The following SPACA6 variants were observed in gnomAD, a reference collection of about 807,000 sequenced individuals.
SPACA6 encodes the protein sperm acrosome associated 6.
For missense variants in SPACA6, 8 were observed against 2.8 expected, an observed-to-expected ratio of 2.88 and a Z score of -1.34; for synonymous variants, 6 against 1.5, an observed-to-expected ratio of 4.05 and a Z score of -2.21.
At chr19:51,692,950 TGGGAG>T (rs2083388568), upstream of SPACA6, 1 of 481,380 alleles carries the variant, frequency 2.1e-6, no homozygotes, top group African/African-American at 2.0e-5. The surrounding 1 kb of genome is among the most constrained non-coding windows in gnomAD (Gnocchi z 5.6). Flanking sequence ...CCAGGGACCC[TGGGAG>T]GAAGAGCCGG....
chr19:51,702,483 G>A (rs1600142265), intron 3 of SPACA6, 146 bp from the exon 4 acceptor site: 1 of 393,176 alleles, frequency 2.5e-6, no homozygotes. Flanking sequence ...AACCCAGCCG[G>A]CTTGACCCCG....
intron 2 of SPACA6, among the ~76,000 whole-genome samples, chr19:51,695,370 C>G (rs2083421800): frequency 2.6e-5 from 4 of 152,192 alleles, no homozygotes; most frequent in Admixed American, 2.6e-4. Context: ...TGTGGAGGCT[C>G]GGAGTTGCAG....
At chr19:51,695,790 G>A (rs553608733) in intron 2 of SPACA6, among the ~76,000 whole-genome samples, 55 of 152,350 alleles carry the variant, frequency 3.6e-4, no homozygotes, top group African/African-American at 1.3e-3. Context: ...AAGAGGCTGG[G>A]TGAGGGTCCA....
At chr19:51,693,900 A>C (rs1013870791) in intron 1 of SPACA6, 160 bp downstream of exon 1, 2 of 395,520 alleles carry the variant, frequency 5.1e-6, no homozygotes, top group Non-Finnish European at 8.9e-6. Flanking sequence ...ACAGAGAGAC[A>C]CAGACAGGGG....
chr19:51,687,260 T>C (rs1194759891), upstream of SPACA6: 1 of 61,000 alleles, frequency 1.6e-5, no homozygotes, highest in Non-Finnish European at 3.4e-5. Context: ...CAAAAATAAA[T>C]ACATACATAC....
chr19:51,705,138 C>A lies in SPACA6; in HGVS notation c.*15C>A. On this transcript the variant is annotated 3_prime_UTR_variant, in exon 9 of 9. Transcript: ENST00000637797. Reference sequence around the variant, plus strand: ...GTGGCAACTAACAAAGGTATCTTTCCTCCTTCCCTATCCTATTTCCATCCT... The same window carrying A: ...GTGGCAACTAACAAAGGTATCTTTCATCCTTCCCTATCCTATTTCCATCCT... 2.5e-6 allele frequency: 1 copy of A among 401,316 alleles called. No homozygotes were observed. Among genetic ancestry groups the A allele is most frequent in the African/African-American group, 2.0e-5 (1 of 48,804 alleles). The allele number at this position is 401,316 out of a possible 1,614,324, so 24.9% of individuals were successfully genotyped here. A position where few individuals can be genotyped will look rare whatever the true frequency, so the allele number is the denominator to read the frequency against.
rs148442701 is a variant in SPACA6, at chr19:51,702,713, G to A, written c.385+61G>A. The A allele has an allele frequency of 1.3e-3, 510 of 399,164 alleles. 6 individuals are homozygous for A. Among genetic ancestry groups the A allele is most frequent in the African/African-American group, 9.4e-3 (459 of 48,756 alleles). The allele number at this position is 399,164 out of a possible 1,614,324, so 24.7% of individuals were successfully genotyped here. On this transcript the variant is annotated intron_variant, in intron 4 of 8. Transcript: ENST00000637797. ...TAAGGGAGGCGGTCGGGGACGAAAC[G>A]TACGACATCAAGTGTGGGAAAGCGG...
chr19:51,695,637 G>A (rs571193716), intron 2 of SPACA6, among the ~76,000 whole-genome samples: 1 of 152,336 alleles, frequency 6.6e-6, no homozygotes, highest in East Asian at 1.9e-4. Flanking sequence ...CCATGTGGGG[G>A]TGTGCAGGAT....
downstream of SPACA6, among the ~76,000 whole-genome samples, chr19:51,708,164 G>A (rs1411697149): frequency 6.6e-6 from 1 of 152,152 alleles, no homozygotes; most frequent in Non-Finnish European, 1.5e-5. Flanking sequence ...CGCTCTTCCA[G>A]GAGACCACCA....
chr19:51,702,484 C>A (rs1010320145), intron 3 of SPACA6, 145 bp from the exon 4 acceptor site: 18 of 393,394 alleles, frequency 4.6e-5, no homozygotes, highest in Admixed American at 4.0e-4. Context: ...ACCCAGCCGG[C>A]TTGACCCCGC....
upstream of SPACA6, among the ~76,000 whole-genome samples, chr19:51,690,332 GC>G (rs2083359026): frequency 6.6e-6 from 1 of 151,952 alleles, no homozygotes; most frequent in African/African-American, 2.4e-5. Flanking sequence ...CAGAACCTCA[GC>G]CCCTCTTCCC....
chr19:51,692,788 C>T (rs368090089), upstream of SPACA6: 18 of 534,402 alleles, frequency 3.4e-5, no homozygotes, highest in Admixed American at 1.9e-4. This position sits in a 1 kb window ranked among gnomAD's most constrained non-coding sequence, Gnocchi z 5.6. Flanking sequence ...CCGCGCCCCC[C>T]GGGCTGAGGT....
upstream of SPACA6, chr19:51,692,784 C>T (rs374798982): frequency 5.6e-6 from 3 of 534,536 alleles, no homozygotes; most frequent in East Asian, 5.5e-5. The surrounding 1 kb of genome is among the most constrained non-coding windows in gnomAD (Gnocchi z 5.6). Flanking sequence ...CCTGCCGCGC[C>T]CCCCGGGCTG....
Position 51,703,877 on chromosome 19 carries a change from G to A in SPACA6, c.574-153G>A. On this transcript the variant is annotated intron_variant, in intron 6 of 8. Coordinates refer to ENST00000637797, the MANE Select transcript of SPACA6 (RefSeq NM_001316972.2). This position sits in a 1 kb window ranked among gnomAD's most constrained non-coding sequence, Gnocchi z 4.2. ...AGGGTTTAAGGAGTGAGGGGAAGGG[G>A]TGCGTTTAGGGCAGGGGAGCGAGAA... is the stretch of plus-strand genomic sequence containing the variant. 2.5e-6 allele frequency: 1 copy of A among 397,326 alleles called. No individual in the cohort carries two copies. The highest frequency in any genetic ancestry group is 4.4e-6 in the Non-Finnish European group (1 of 225,810). The allele number at this position is 397,326 out of a possible 1,614,324, so 24.6% of individuals were successfully genotyped here. A position where few individuals can be genotyped will look rare whatever the true frequency, so the allele number is the denominator to read the frequency against.
chr19:51,703,267 T>A lies in SPACA6; in HGVS notation c.503T>A (p.Phe168Tyr), dbSNP rs1014510431. ...GTGACTCGGGGCGACCAGGCTATGT[T>A]TTCTTGCATCGTAAACTTCCAGCTG... ...VTVTRGDQAM[F>Y]SCIVNFQLPK... Residue 168 changes from phenylalanine (F) to tyrosine (Y), a missense_variant, in exon 6 of 9, where the codon TTT becomes TAT. By Grantham distance (22) the Phe-to-Tyr change is conservative. Transcript: ENST00000637797. The surrounding 1 kb of genome is among the most constrained non-coding windows in gnomAD (Gnocchi z 4.2). 2.5e-6 allele frequency: 1 copy of A among 399,230 alleles called. No homozygotes were observed. Among genetic ancestry groups the A allele is most frequent in the Admixed American group, 4.4e-5 (1 of 22,716 alleles). The allele number at this position is 399,230 out of a possible 1,614,324, so 24.7% of individuals were successfully genotyped here.
At chr19:51,704,911 TCCAGAC>T (rs1453883221) in intron 8 of SPACA6, 173 bp from the exon 9 acceptor site, 2 of 305,730 alleles carry the variant, frequency 6.5e-6, no homozygotes, top group African/African-American at 5.8e-5. Context: ...GATCCAAGAG[TCCAGAC>T]CCCCAAGTTT....
upstream of SPACA6, chr19:51,687,312 TC>T (rs2083333082): frequency 1.3e-5 from 2 of 150,570 alleles, no homozygotes; most frequent in Admixed American, 1.3e-4. Context: ...CATAAGCAAA[TC>T]TGTAAATATC....
At chr19:51,705,746 G>A (rs929621840), downstream of SPACA6, among the ~76,000 whole-genome samples, 2 of 151,808 alleles carry the variant, frequency 1.3e-5, no homozygotes, top group African/African-American at 4.8e-5. Flanking sequence ...GCCCAGGCTG[G>A]AGTGCAGTGA....
At chr19:51,704,004 G>A (rs2083491863) in intron 6 of SPACA6, 26 bp from the exon 7 acceptor site, 1 of 400,788 alleles carries the variant, frequency 2.5e-6, no homozygotes, top group Non-Finnish European at 4.4e-6. Flanking sequence ...CCGGAGTTGA[G>A]GCGTTTAAAC....
Sources: allele counts gnomAD v4.1 joint callset (sites outside exome capture counted in the v4.1 genomes callset), GRCh38; gene constraint gnomAD v4.1.1; non-coding constraint Gnocchi (gnomAD v3.1); transcripts MANE v1.5; gene names NCBI Gene and HGNC (gene_info 2026-07-23, HGNC 2026-07-21).